The following GALNT9 variants were observed in gnomAD, a reference collection of about 807,000 sequenced individuals.
GALNT9 encodes the protein polypeptide N-acetylgalactosaminyltransferase 9.
GALNT9 carries 47 observed loss-of-function variants against 63.1 expected under a neutral mutation model. That is an observed-to-expected ratio of 0.75 (90% CI 0.59 to 0.95). GALNT9 has a LOEUF of 0.95. GALNT9 is among the 40% of genes least tolerant of loss of function. The probability of loss-of-function intolerance (pLI) is 0.00; values close to 1 mark genes in which losing one functional copy is unlikely to be tolerated. For synonymous variants in GALNT9, 396 were observed against 365.7 expected (o/e 1.08, Z -0.94); for missense variants, 829 against 874.8 (o/e 0.95, Z 0.66).
rs1319445348 is a variant in GALNT9 at position 132,237,363 on chromosome 12, C to A, written c.1077+10547G>T. ...TCACAGCTGCCTGCACCTGCCTACA[C>A]CTTCTGACATCTGCTTATACCGTAC... On this transcript the variant is annotated intron_variant, in intron 6 of 10. Transcript: ENST00000328957. Among the ~76,000 whole-genome samples, 5 of 151,946 alleles carry A rather than the reference C, an allele frequency of 3.3e-5. No individual in the cohort carries two copies. The East Asian group carries it at 9.7e-4, about 29-fold the overall frequency.
At chr12:132,208,738 G>C (rs957086978) in intron 6 of GALNT9, among the ~76,000 whole-genome samples, 2 of 152,206 alleles carry the variant, frequency 1.3e-5, no homozygotes, top group African/African-American at 2.4e-5. Context: ...TGCCAACCCA[G>C]AGTTGTGGGC....
intron 6 of GALNT9, among the ~76,000 whole-genome samples, chr12:132,204,985 G>C (rs1030993194): frequency 2.6e-5 from 4 of 152,052 alleles, no homozygotes; most frequent in Non-Finnish European, 2.9e-5. Context: ...GCATTGCCCC[G>C]TTCCCTCCGC....
At chr12:132,308,912 C>A (rs116256958) in intron 1 of GALNT9, among the ~76,000 whole-genome samples, 2 of 151,530 alleles carry the variant, frequency 1.3e-5, no homozygotes, top group Admixed American at 1.3e-4. Flanking sequence ...CCACGGGGCT[C>A]GGGATGGCCG....
At chr12:132,301,964 G>A (rs1315306091) in intron 1 of GALNT9, among the ~76,000 whole-genome samples, 1 of 152,190 alleles carries the variant, frequency 6.6e-6, no homozygotes, top group African/African-American at 2.4e-5. Flanking sequence ...TCAGACGCTT[G>A]TCCACAGAAA....
chr12:132,244,006 T>TA (rs1878590898), intron 6 of GALNT9, among the ~76,000 whole-genome samples: 1 of 151,662 alleles, frequency 6.6e-6, no homozygotes, highest in Non-Finnish European at 1.5e-5. Context: ...GATGTGTGGT[T>TA]AGGGGCATAG....
At chr12:132,200,304 G>C (rs1875934787) in intron 8 of GALNT9, 3 of 152,306 alleles carry the variant, frequency 2.0e-5, no homozygotes, top group Admixed American at 2.0e-4. Flanking sequence ...ACTGGGGAGA[G>C]GGCAGAAGAG....
chr12:132,281,620 G>C (rs1416948119), intron 2 of GALNT9, among the ~76,000 whole-genome samples: 1 of 152,204 alleles, frequency 6.6e-6, no homozygotes, highest in Non-Finnish European at 1.5e-5. Flanking sequence ...GGTTCATCCC[G>C]ATGTCGTTCT....
At chr12:132,290,328 G>A (rs1163148416) in intron 1 of GALNT9, among the ~76,000 whole-genome samples, 1 of 152,168 alleles carries the variant, frequency 6.6e-6, no homozygotes, top group African/African-American at 2.4e-5. Flanking sequence ...GACCGGCCAA[G>A]CCACGGACCC....
chr12:132,286,127 T>A lies in GALNT9; in HGVS notation c.419+123A>T. 20 of 868,298 alleles carry A rather than the reference T, an allele frequency of 2.3e-5. No individual in the cohort carries two copies. The highest frequency in any genetic ancestry group is 2.5e-5 in the Non-Finnish European group (16 of 647,894). 53.8% of individuals were successfully genotyped at this position (868,298 alleles called of 1,614,324 possible). The stretch of plus-strand genomic sequence containing the variant: ...CGGGCGTGGGGGGCGGTCACTTCCC[T>A]GGCGGGCGTGGGGGCCGCTCACTTC... On this transcript the variant is annotated intron_variant, in intron 2 of 10. Transcript: ENST00000328957. This position sits in a 1 kb window ranked among gnomAD's most constrained non-coding sequence, Gnocchi z 7.4.
Position 132,310,882 on chromosome 12 carries a change from C to T in GALNT9, c.238+18084G>A, listed in dbSNP as rs529814639. 9.3e-4 allele frequency among the ~76,000 whole-genome samples: 141 copies of T among 152,208 alleles called. No homozygotes were observed. The highest frequency in any genetic ancestry group is 3.2e-3 in the African/African-American group (131 of 41,542). On this transcript the variant is annotated intron_variant, in intron 1 of 10. Transcript: ENST00000328957. The surrounding 1 kb of genome is among the most constrained non-coding windows in gnomAD (Gnocchi z 4.8). ...CCCGGCTGTCCTGTTTTGGAGCCTC[C>T]GCCTGTCCACAGCCATCCTTCAGGG...
chr12:132,321,169 C>G (rs1402490000), intron 1 of GALNT9, among the ~76,000 whole-genome samples: 1 of 152,086 alleles, frequency 6.6e-6, no homozygotes, highest in East Asian at 1.9e-4. Context: ...ACTGAGGGTG[C>G]CTGTGGGTCC....
intron 1 of GALNT9, among the ~76,000 whole-genome samples, chr12:132,304,462 G>A (rs373919141): frequency 9.5e-5 from 1 of 10,566 alleles, no homozygotes; most frequent in Non-Finnish European, 1.8e-4. Flanking sequence ...CCCGGGCACA[G>A]CCTCGCCCGG....
intron 2 of GALNT9, chr12:132,284,045 C>T (rs1377282277): frequency 6.6e-6 from 1 of 152,418 alleles, no homozygotes; most frequent in Non-Finnish European, 1.5e-5. Flanking sequence ...ATTCAGGACA[C>T]ACAGGAGCGT....
chr12:132,261,615 T>C (rs1419358466), intron 3 of GALNT9, among the ~76,000 whole-genome samples: 1 of 152,202 alleles, frequency 6.6e-6, no homozygotes, highest in African/African-American at 2.4e-5. Context: ...TTCAGTCCTC[T>C]GCACACAGAC....
At chr12:132,285,097 T>G (rs1473976543) in intron 2 of GALNT9, among the ~76,000 whole-genome samples, 2 of 152,210 alleles carry the variant, frequency 1.3e-5, no homozygotes, top group African/African-American at 4.8e-5. Flanking sequence ...GGTGTCAGGG[T>G]TCCCTGGCGG....
At chr12:132,225,113 C>T (rs1483928398) in intron 6 of GALNT9, among the ~76,000 whole-genome samples, 2 of 141,214 alleles carry the variant, frequency 1.4e-5, no homozygotes, top group Non-Finnish European at 3.1e-5. Context: ...CACACCCCCA[C>T]ATATACATAC....
rs562501185 is a variant in GALNT9, at chr12:132,296,929, A to T, written c.239-10499T>A. ...CCCAAGATACCCAACTCACTCCTGA[A>T]ATAACAAAGCCACTCCTCAGATAAC... On this transcript the variant is annotated intron_variant, in intron 1 of 10. Transcript: ENST00000328957. This position sits in a 1 kb window ranked among gnomAD's most constrained non-coding sequence, Gnocchi z 4.2. Among the ~76,000 whole-genome samples, 13 of 151,632 alleles carry T rather than the reference A, an allele frequency of 8.6e-5. No homozygotes were observed. In the East Asian group the frequency reaches 2.3e-3, roughly 27 times the overall value.
intron 2 of GALNT9, chr12:132,284,144 C>T (rs1456317785): frequency 6.6e-5 from 10 of 151,866 alleles, no homozygotes; most frequent in African/African-American, 1.7e-4. Flanking sequence ...CGCACACCCA[C>T]GCACATGCAC....
intron 6 of GALNT9, among the ~76,000 whole-genome samples, chr12:132,240,911 G>A (rs1591588547): frequency 7.2e-6 from 1 of 138,752 alleles, no homozygotes; most frequent in African/African-American, 2.9e-5. Flanking sequence ...CCTTCCCGGG[G>A]CCCTCCCTAT....
Sources: allele counts gnomAD v4.1 joint callset (sites outside exome capture counted in the v4.1 genomes callset), GRCh38; gene constraint gnomAD v4.1.1; non-coding constraint Gnocchi (gnomAD v3.1); transcripts MANE v1.5; gene names NCBI Gene and HGNC (gene_info 2026-07-23, HGNC 2026-07-21).